NDUFS1: variants seen among roughly 807,000 people sequenced by gnomAD.
The protein encoded by NDUFS1 is NADH-ubiquinone oxidoreductase 75 kDa subunit, mitochondrial.
In NDUFS1, 61 loss-of-function variants were observed where a neutral mutation model predicts 84.4. The ratio of observed to expected loss-of-function variants is 0.72; its 90% CI spans 0.59 to 0.89. The LOEUF is 0.89. Ranked by LOEUF, NDUFS1 falls within the 40% of genes least tolerant of loss-of-function variation. The pLI, the probability that NDUFS1 is intolerant of heterozygous loss-of-function variation, is 0.00. For synonymous variants in NDUFS1, 275 were observed against 290.0 expected, an observed-to-expected ratio of 0.95 and a Z score of 0.53; for missense variants, 891 against 890.0, an observed-to-expected ratio of 1.00 and a Z score of -0.01.
intron 18 of NDUFS1, among the ~76,000 whole-genome samples, chr2:206,125,857 T>C (rs937757016): frequency 2.6e-5 from 4 of 152,196 alleles, no homozygotes; most frequent in African/African-American, 9.7e-5. Flanking sequence ...TCCTTCTTTG[T>C]GTTCATAAGT....
chr2:206,151,766 A>T (rs999247442), intron 3 of NDUFS1, among the ~76,000 whole-genome samples: 3 of 152,226 alleles, frequency 2.0e-5, no homozygotes, highest in Admixed American at 2.0e-4. Context: ...CTAACCACAG[A>T]AAGGTTATAT....
chr2:206,125,033 A>G (rs1455004895), intron 18 of NDUFS1, among the ~76,000 whole-genome samples: 1 of 151,730 alleles, frequency 6.6e-6, no homozygotes, highest in Non-Finnish European at 1.5e-5. Context: ...TTTTAAAGAG[A>G]CCAGATCTGA....
At chr2:206,124,358 C>T in intron 18 of NDUFS1, 82 bp from the exon 19 acceptor site, 1 of 1,061,202 alleles carries the variant, frequency 9.4e-7, no homozygotes, top group Non-Finnish European at 1.5e-6. Flanking sequence ...TGCACATATT[C>T]AGGAGGAAAA....
At chr2:206,153,459 G>A (rs1008852098) in intron 2 of NDUFS1, among the ~76,000 whole-genome samples, 159 bp downstream of exon 2, 8 of 152,000 alleles carry the variant, frequency 5.3e-5, no homozygotes, top group African/African-American at 1.9e-4. Flanking sequence ...GCCTCTCAAA[G>A]TGCTAGGATT....
In NDUFS1 at chr2:206,115,472, G is replaced by A. The variant is rs1690919657; in HGVS notation, c.*8713C>T. 5.5e-6 allele frequency: 1 copy of A among 180,328 alleles called. No homozygotes were observed. The highest frequency in any genetic ancestry group is 1.1e-5 in the Non-Finnish European group (1 of 87,734). 11.2% of individuals were successfully genotyped at this position (180,328 alleles called of 1,614,324 possible). On this transcript the variant is annotated 3_prime_UTR_variant, in exon 19 of 19. Coordinates refer to ENST00000233190, the MANE Select transcript of NDUFS1 (RefSeq NM_005006.7). ...GCCCTTCCATCTTCTGCCATGGGAG[G>A]ACAGCAAGAAGGCCCTTCCCAGATG...
chr2:206,130,032 C>A, intron 15 of NDUFS1, 56 bp downstream of exon 15: 1 of 1,601,168 alleles, frequency 6.2e-7, no homozygotes, highest in South Asian at 1.1e-5. Context: ...TAAATGGTTT[C>A]TAACATACAT....
intron 13 of NDUFS1, among the ~76,000 whole-genome samples, chr2:206,134,063 T>C (rs1385295233): frequency 2.0e-5 from 3 of 152,182 alleles, no homozygotes; most frequent in East Asian, 1.9e-4. Context: ...CTTCAATAAA[T>C]AGCTGGCCAC....
At chr2:206,149,756 G>C (rs755135901) in intron 4 of NDUFS1, 62 bp downstream of exon 4, 6 of 1,191,976 alleles carry the variant, frequency 5.0e-6, no homozygotes, top group Non-Finnish European at 7.5e-6. Context: ...AATAAAGTTT[G>C]CTGCAAGATT....
intron 10 of NDUFS1, among the ~76,000 whole-genome samples, chr2:206,143,266 C>CA (rs1692033062): frequency 6.6e-6 from 1 of 152,064 alleles, no homozygotes. Context: ...CTCAAAAACA[C>CA]AAAAAAAGTT....
chr2:206,136,632 C>T (rs1375614720), intron 13 of NDUFS1, among the ~76,000 whole-genome samples: 9 of 151,858 alleles, frequency 5.9e-5, no homozygotes, highest in African/African-American at 2.2e-4. Flanking sequence ...CGGGGTTTAA[C>T]CATGTTGGCC....
intron 11 of NDUFS1, 52 bp downstream of exon 11, chr2:206,142,634 T>A (rs1692006008): frequency 6.2e-7 from 1 of 1,608,228 alleles, no homozygotes. Context: ...TATACATAAC[T>A]TGTAACTAAA....
rs755890464 is a variant in NDUFS1, at chr2:206,151,327, T to C, written c.153+1092A>G. 5.3e-5 allele frequency among the ~76,000 whole-genome samples: 8 copies of C among 152,370 alleles called. No homozygotes were observed. The South Asian group carries it at 8.3e-4, about 16-fold the overall frequency. On this transcript the variant is annotated intron_variant, in intron 3 of 18. Coordinates refer to ENST00000233190, the MANE Select transcript of NDUFS1 (RefSeq NM_005006.7). ...TTATGTTTCATCAATATTAAACTAT[T>C]TGAAGCTTTCAAAATATGACAAGCT...
At chr2:206,147,686 A>G in intron 6 of NDUFS1, 25 bp from the exon 7 acceptor site, 1 of 1,614,116 alleles carries the variant, frequency 6.2e-7, no homozygotes, top group Non-Finnish European at 8.5e-7. Context: ...GAAAGAGTCA[A>G]TCTCATGCTG....
At chr2:206,146,162 A>T (rs2105972720) in intron 8 of NDUFS1, among the ~76,000 whole-genome samples, 1 of 152,320 alleles carries the variant, frequency 6.6e-6, no homozygotes, top group Admixed American at 6.5e-5. Context: ...ATACCTGACT[A>T]CTAAACTATG....
At chr2:206,154,717 G>A (rs555265319) in intron 1 of NDUFS1, among the ~76,000 whole-genome samples, 7 of 151,900 alleles carry the variant, frequency 4.6e-5, no homozygotes, top group East Asian at 1.9e-4. Context: ...TCCACCGCCC[G>A]GATTAAAGCA....
chr2:206,146,902 C>G lies in NDUFS1; in HGVS notation c.737+1G>C. ...ACAAATTGTCATAAAATAAAAGATA[C>G]CTTGTTTCCCAAGGCCGGGCAGTAA... On this transcript the variant is annotated splice_donor_variant, in intron 8 of 18. Coordinates refer to ENST00000233190, the MANE Select transcript of NDUFS1 (RefSeq NM_005006.7). LOFTEE classifies it high-confidence loss of function. 8 of 1,613,078 alleles carry G rather than the reference C, an allele frequency of 5.0e-6. No homozygotes were observed. The highest frequency in any genetic ancestry group is 5.1e-6 in the Non-Finnish European group (6 of 1,179,230).
At chr2:206,143,507 A>G (rs1217263381) in intron 10 of NDUFS1, among the ~76,000 whole-genome samples, 5 of 151,608 alleles carry the variant, frequency 3.3e-5, no homozygotes, top group Non-Finnish European at 5.9e-5. Flanking sequence ...CAAGAAAACT[A>G]TTCCCTCCAC....
intron 3 of NDUFS1, 74 bp downstream of exon 3, chr2:206,152,345 A>C (rs369520004): frequency 7.8e-6 from 8 of 1,023,108 alleles, no homozygotes; most frequent in Admixed American, 7.0e-5. Flanking sequence ...ACTAATAATC[A>C]GTATAAAGGA....
intron 1 of NDUFS1, among the ~76,000 whole-genome samples, chr2:206,156,434 G>T (rs1305314542): frequency 2.6e-5 from 4 of 151,842 alleles, no homozygotes; most frequent in Admixed American, 6.6e-5. Context: ...AATTAGCTGG[G>T]TGTGGTGGCA....
Sources: gnomAD v4.1 joint callset for allele counts (sites outside exome capture counted in the v4.1 genomes callset) on GRCh38, gnomAD v4.1.1 for gene constraint, MANE v1.5 for transcripts, NCBI Gene and HGNC (gene_info 2026-07-23, HGNC 2026-07-21) for gene names.